ANK1: variants seen among roughly 807,000 people sequenced by gnomAD.
The protein encoded by ANK1 is ankyrin 1.
In ANK1, 51 loss-of-function variants were observed where a neutral mutation model predicts 210.4. The observed-to-expected ratio is 0.24, with a 90% CI of 0.19 to 0.31. The LOEUF (loss-of-function observed/expected upper bound fraction) is 0.31. Among genes scored for constraint, ANK1 ranks in the 10% least tolerant of loss-of-function variants. The pLI, the probability that ANK1 is intolerant of heterozygous loss-of-function variation, is 1.00. For synonymous variants in ANK1, 967 were observed against 1,025.9 expected (o/e 0.94, Z 1.10); for missense variants, 2,051 against 2,504.4 (o/e 0.82, Z 3.86).
rs75121779 is a variant in ANK1, at chr8:41,785,450, C to T, written c.27+12062G>A. ...GTCTAGGGCCAGCTTGCCTGGCTTC[C>T]TGCCCTAGTCCGCAGCTGTCTAGCT... On this transcript the variant is annotated intron_variant, in intron 1 of 42. Transcript: ENST00000289734. 2.0e-4 allele frequency among the ~76,000 whole-genome samples: 31 copies of T among 152,334 alleles called. No individual in the cohort carries two copies. The East Asian group carries it at 5.2e-3, about 26-fold the overall frequency.
chr8:41,705,892 A>G (rs1586284087), intron 18 of ANK1, among the ~76,000 whole-genome samples: 2 of 152,232 alleles, frequency 1.3e-5, no homozygotes, highest in East Asian at 3.8e-4. Context: ...GACAGGTCTT[A>G]GAGTCATGAT....
At chr8:41,842,836 T>TG (rs999705415) in intron 1 of ANK1, among the ~76,000 whole-genome samples, 1 of 152,140 alleles carries the variant, frequency 6.6e-6, no homozygotes, top group South Asian at 2.1e-4. Flanking sequence ...AACACATTTT[T>TG]GGGGGGTTGT....
chr8:41,804,451 G>A (rs1205328106), intron 1 of ANK1, among the ~76,000 whole-genome samples: 1 of 152,144 alleles, frequency 6.6e-6, no homozygotes, highest in Non-Finnish European at 1.5e-5. Context: ...CGAAGAATGT[G>A]TACATATTTA....
chr8:41,711,877 T>C (rs1826230950), intron 16 of ANK1, among the ~76,000 whole-genome samples: 2 of 152,136 alleles, frequency 1.3e-5, no homozygotes, highest in Admixed American at 1.3e-4. Flanking sequence ...AAAGACTTTA[T>C]GGAGTTTGGT....
chr8:41,887,242 CTTTTTTTTTTTT>C (rs35112522), intron 1 of ANK1, among the ~76,000 whole-genome samples: 1 of 80,716 alleles, frequency 1.2e-5, no homozygotes, highest in South Asian at 5.0e-4. Flanking sequence ...CTTTCCTTTC[CTTTTTTTTTTTT>C]TTTTTTTTTT....
At chr8:41,752,004 C>T (rs2150703285) in intron 2 of ANK1, among the ~76,000 whole-genome samples, 1 of 152,320 alleles carries the variant, frequency 6.6e-6, no homozygotes, top group East Asian at 1.9e-4. Flanking sequence ...ACTCTTACTC[C>T]TGCCCCAGGG....
rs557739204 is a variant in ANK1 at position 41,837,425 on chromosome 8, G to A, written c.126+58930C>T. Among the ~76,000 whole-genome samples, 124 of 152,308 alleles carry A rather than the reference G, an allele frequency of 8.1e-4. 1 individual carries two copies. Among genetic ancestry groups the A allele is most frequent in the African/African-American group, 2.9e-3 (120 of 41,560 alleles). On this transcript the variant is annotated intron_variant, in intron 1 of 42. Coordinates refer to the ANK1 transcript ENST00000265709. ...TGGGGGGGAAACACACTGACACATGGGCTTCCTAGTCCACCATTAGTGACC... is the reference window on the plus strand; with the variant it reads ...TGGGGGGGAAACACACTGACACATGAGCTTCCTAGTCCACCATTAGTGACC...
chr8:41,870,093 C>G (rs1004783385), intron 1 of ANK1, among the ~76,000 whole-genome samples: 1 of 151,982 alleles, frequency 6.6e-6, no homozygotes, highest in African/African-American at 2.4e-5. Context: ...GGTTCAAGGA[C>G]CCCTCTGCAA....
chr8:41,715,542 T>A (rs1165282437), intron 14 of ANK1, 110 bp downstream of exon 14: 2 of 1,385,060 alleles, frequency 1.4e-6, no homozygotes, highest in Admixed American at 3.9e-5. Flanking sequence ...TCCAGCTGCT[T>A]GCAGCATCAT....
At chr8:41,698,016 G>C (rs1266652665) in intron 24 of ANK1, 27 bp downstream of exon 24, 9 of 1,611,764 alleles carry the variant, frequency 5.6e-6, no homozygotes, top group Non-Finnish European at 7.6e-6. Context: ...CTCCATGTGG[G>C]GAAACCACAG....
intron 21 of ANK1, 119 bp downstream of exon 21, chr8:41,701,933 G>A (rs2150606625): frequency 9.2e-7 from 1 of 1,081,200 alleles, no homozygotes; most frequent in Non-Finnish European, 1.4e-6. Flanking sequence ...GTCGGGCGCG[G>A]CGCCTCCGAC....
At chr8:41,874,502 G>A (rs142517477) in intron 1 of ANK1, among the ~76,000 whole-genome samples, 348 of 152,288 alleles carry the variant, frequency 2.3e-3, no homozygotes, top group African/African-American at 5.9e-3. Context: ...CCCCATCCCC[G>A]CCCCGCAGGC....
At chr8:41,655,811 A>G (rs1404815074) in intron 42 of ANK1, 58 bp from the exon 43 acceptor site, 10 of 1,567,772 alleles carry the variant, frequency 6.4e-6, no homozygotes, top group Non-Finnish European at 7.9e-6. Flanking sequence ...ACGTCCAGCA[A>G]AAACCCCACA....
chr8:41,690,202 G>T, intron 33 of ANK1, 25 bp downstream of exon 33: 1 of 1,613,884 alleles, frequency 6.2e-7, no homozygotes, highest in Non-Finnish European at 8.5e-7. Flanking sequence ...CTCGGGCCAA[G>T]GCTCCTCGGC....
Position 41,690,509 on chromosome 8 carries a change from A to G in ANK1, c.3949T>C (p.Ser1317Pro). The G allele has an allele frequency of 6.2e-7, 1 of 1,614,138 alleles. No individual in the cohort carries two copies. Reference sequence around the variant, plus strand: ...ATGGCCAGACGGTTCTCCCGAAATGACTGGAAGTGGAAGCTCCGCTGCTGG... The same window carrying G: ...ATGGCCAGACGGTTCTCCCGAAATGGCTGGAAGTGGAAGCTCCGCTGCTGG... ...AAQQRSFHFQ[S>P]FRENRLAMPV... Residue 1317 changes from serine (S) to proline (P), a missense_variant, in exon 32 of 43, where the codon TCA (serine) becomes CCA (proline). By Grantham distance (74) the Ser-to-Pro change is moderately conservative (BLOSUM62 -1). Around this residue, in one of 6 missense-constraint regions of ANK1, gnomAD observed 1,413 missense variants for 1,707.4 expected, o/e 0.83. Transcript: ENST00000289734.
chr8:41,788,802 A>G (rs1846995093), intron 1 of ANK1: 1 of 152,132 alleles, frequency 6.6e-6, no homozygotes, highest in Admixed American at 6.5e-5. Context: ...TTTCCTACTC[A>G]GAAAGCTTTG....
At chr8:41,731,677 T>C (rs1832212783) in intron 3 of ANK1, among the ~76,000 whole-genome samples, 1 of 152,186 alleles carries the variant, frequency 6.6e-6, no homozygotes, top group Admixed American at 6.5e-5. Context: ...TCCACCTTTT[T>C]TTCCCCCTCT....
At chr8:41,739,510 T>C (rs1352910133) in intron 2 of ANK1, among the ~76,000 whole-genome samples, 2 of 127,916 alleles carry the variant, frequency 1.6e-5, no homozygotes, top group African/African-American at 5.6e-5. Flanking sequence ...TAGTTCATTG[T>C]TTTTTTCTTT....
At chr8:41,669,704 C>T (rs1181031629) in intron 38 of ANK1, among the ~76,000 whole-genome samples, 2 of 152,194 alleles carry the variant, frequency 1.3e-5, no homozygotes, top group African/African-American at 2.4e-5. Context: ...GCAGATGCTT[C>T]TGAAATATGC....
Sources: gnomAD v4.1 joint callset for allele counts (sites outside exome capture counted in the v4.1 genomes callset) on GRCh38, gnomAD v4.1.1 for gene constraint, gnomAD v4.1.1 regional missense constraint, MANE v1.5 for transcripts, NCBI Gene and HGNC (gene_info 2026-07-23, HGNC 2026-07-21) for gene names.